IQCC: variants seen among roughly 807,000 people sequenced by gnomAD.
The protein encoded by IQCC is IQ motif containing C.
IQCC carries 23 observed loss-of-function variants against 27.0 expected under a neutral mutation model. The ratio of observed to expected loss-of-function variants is 0.85; its 90% CI spans 0.61 to 1.21. IQCC has a LOEUF of 1.21. Ranked by LOEUF, IQCC falls within the 50% of genes most tolerant of loss-of-function variation. IQCC has a pLI of 0.00. For synonymous variants in IQCC, 220 were observed against 217.2 expected (o/e 1.01, Z -0.11); for missense variants, 552 against 562.3 (o/e 0.98, Z 0.19).
At chr1:32,206,884 T>C (rs1643361839) in intron 3 of IQCC, 118 bp from the exon 4 acceptor site, 6 of 1,418,024 alleles carry the variant, frequency 4.2e-6, no homozygotes, top group South Asian at 1.3e-5. Flanking sequence ...TCTGCCGGGA[T>C]AGGGCCACCA....
rs1253883917 is a variant in IQCC, at chr1:32,205,866, G to A, written c.42+143G>A. ...CTGGAGATACCGGCTGTCCCCAACC[G>A]CGCTGAGGAAAGCTGGGACCCACGG... On this transcript the variant is annotated intron_variant, in intron 1 of 4. Coordinates refer to ENST00000291358, the MANE Select transcript of IQCC (RefSeq NM_018134.3). The surrounding 1 kb of genome is among the most constrained non-coding windows in gnomAD (Gnocchi z 5.6). The A allele has an allele frequency of 5.2e-6, 8 of 1,552,736 alleles. No individual in the cohort carries two copies. The highest frequency in any genetic ancestry group is 3.9e-5 in the Admixed American group (2 of 51,024).
Position 32,207,134 on chromosome 1 carries a change from G to A in IQCC, c.558+14G>A, listed in dbSNP as rs41311185. ...AGCCGTAAGGAGGTAACACTAACCT[G>A]GAACTCTTTCTGAACATTTAGGGTC... On this transcript the variant is annotated intron_variant, in intron 4 of 4. Transcript: ENST00000291358. The A allele has an allele frequency of 2.5e-3, 3,925 of 1,598,962 alleles. 15 individuals are homozygous for A. Among genetic ancestry groups the A allele is most frequent in the Non-Finnish European group, 3.0e-3 (3,476 of 1,170,040 alleles).
In IQCC at chr1:32,205,806, C is replaced by G; in HGVS notation, c.42+83C>G. On this transcript the variant is annotated intron_variant, in intron 1 of 4. Coordinates refer to ENST00000291358, the MANE Select transcript of IQCC (RefSeq NM_018134.3). The surrounding 1 kb of genome is among the most constrained non-coding windows in gnomAD (Gnocchi z 5.6). The stretch of plus-strand genomic sequence containing the variant: ...CGTACCTGGACCTCCCAGCGAGATG[C>G]TACCACGTTCAGTCCCCTAACTGCG... 2 of 1,578,736 alleles carry G rather than the reference C, an allele frequency of 1.3e-6. No individual in the cohort carries two copies. Among genetic ancestry groups the G allele is most frequent in the Non-Finnish European group, 1.7e-6 (2 of 1,162,846 alleles).
chr1:32,208,261 G>A lies in IQCC; in HGVS notation c.*179G>A, dbSNP rs1478879339. 5 of 638,826 alleles carry A rather than the reference G, an allele frequency of 7.8e-6. No homozygotes were observed. Among genetic ancestry groups the A allele is most frequent in the African/African-American group, 1.8e-5 (1 of 54,746 alleles). The allele number at this position is 638,826 out of a possible 1,614,324, so 39.6% of individuals were successfully genotyped here. Reference sequence around the variant, plus strand: ...GAGCTGGCATGAGTATAGGGAAGGAGGAAGGACACATTTTCAATCCTCTGC... The same window carrying A: ...GAGCTGGCATGAGTATAGGGAAGGAAGAAGGACACATTTTCAATCCTCTGC... On this transcript the variant is annotated 3_prime_UTR_variant, in exon 5 of 5. Coordinates refer to ENST00000291358, the MANE Select transcript of IQCC (RefSeq NM_018134.3).
At chr1:32,206,879 C>A (rs564999455) in intron 3 of IQCC, 118 bp downstream of exon 3, 3 of 1,430,046 alleles carry the variant, frequency 2.1e-6, no homozygotes, top group Non-Finnish European at 1.9e-6. Context: ...TTCCCTCTGC[C>A]GGGATAGGGC....
Position 32,207,776 on chromosome 1 carries a change from C to G in IQCC, c.1095C>G (p.Asp365Glu), listed in dbSNP as rs1427617363. The G allele has an allele frequency of 6.2e-7, 1 of 1,614,016 alleles. No homozygotes were observed. Among genetic ancestry groups the G allele is most frequent in the Admixed American group, 1.7e-5 (1 of 60,026 alleles). ...GAAAACTAGACCACAAAGAGCCTGA[C>G]TGCCGAACAGTCAGGACACAAGAGT... ...SPRKLDHKEP[D>E]CRTVRTQELG... is the part of the protein sequence containing the mutation. The change falls in exon 5 of 5, where the codon GAC (aspartate) becomes GAG (glutamate). Residue 365 changes from aspartate to glutamate, a missense_variant. Transcript: ENST00000291358.
chr1:32,207,163 G>T, intron 4 of IQCC, 43 bp downstream of exon 4: 1 of 1,599,154 alleles, frequency 6.3e-7, no homozygotes, highest in Non-Finnish European at 8.6e-7. Context: ...TAGGGTCAAG[G>T]GTGGGGGTTA....
Sources: allele counts gnomAD v4.1 joint callset, GRCh38; gene constraint gnomAD v4.1.1; non-coding constraint Gnocchi (gnomAD v3.1); transcripts MANE v1.5; gene names NCBI Gene and HGNC (gene_info 2026-07-23, HGNC 2026-07-21).